Variants in KAZN observed in about 807,000 individuals in gnomAD.
The protein encoded by KAZN is kazrin, periplakin interacting protein, also known as kazrin.
KAZN carries 40 observed loss-of-function variants against 87.4 expected under a neutral mutation model. That is an observed-to-expected ratio of 0.46 (90% CI 0.36 to 0.60). The LOEUF is 0.60. KAZN is among the 20% of genes least tolerant of loss of function. KAZN has a pLI of 0.00. For synonymous variants in KAZN, 466 were observed against 458.3 expected, an observed-to-expected ratio of 1.02 and a Z score of -0.22; for missense variants, 898 against 1,073.9, an observed-to-expected ratio of 0.84 and a Z score of 2.29.
At chr1:14,608,934 CT>C (rs201902696) in intron 1 of KAZN, among the ~76,000 whole-genome samples, 1 of 151,912 alleles carries the variant, frequency 6.6e-6, no homozygotes, top group Non-Finnish European at 1.5e-5. Flanking sequence ...AATGTCATCT[CT>C]TTTTTTTAAT....
chr1:14,346,018 G>A (rs531491133), intron 2 of KAZN, among the ~76,000 whole-genome samples: 8 of 152,194 alleles, frequency 5.3e-5, no homozygotes, highest in Non-Finnish European at 1.0e-4. Flanking sequence ...AAAGTAAAAG[G>A]TGAACTTGCA....
chr1:14,136,167 C>T (rs1000909212), intron 1 of KAZN, among the ~76,000 whole-genome samples: 14 of 152,122 alleles, frequency 9.2e-5, no homozygotes, highest in African/African-American at 3.1e-4. Flanking sequence ...CTGTTGATTT[C>T]TGGGTGGCTA....
chr1:14,795,704 T>G (rs1188398930), intron 1 of KAZN, among the ~76,000 whole-genome samples: 1 of 152,138 alleles, frequency 6.6e-6, no homozygotes, highest in Non-Finnish European at 1.5e-5. Flanking sequence ...CATGAGCTGG[T>G]GCTCATTCCA....
intron 2 of KAZN, among the ~76,000 whole-genome samples, chr1:15,000,039 C>T (rs1411629918): frequency 4.6e-5 from 7 of 151,854 alleles, no homozygotes; most frequent in East Asian, 3.9e-4. Flanking sequence ...GCAGCTGTGA[C>T]GGAGGATCTT....
intron 2 of KAZN, among the ~76,000 whole-genome samples, chr1:15,006,608 T>C (rs1004836920): frequency 1.3e-5 from 2 of 152,236 alleles, no homozygotes; most frequent in Non-Finnish European, 2.9e-5. Context: ...TTCCAGACAC[T>C]GTCCTAGGTG....
At chr1:13,914,188 G>A (rs1639756884) in intron 1 of KAZN, among the ~76,000 whole-genome samples, 1 of 152,174 alleles carries the variant, frequency 6.6e-6, no homozygotes, top group South Asian at 2.1e-4. Flanking sequence ...GTGGCACCTG[G>A]TTTTGCTAAA....
chr1:14,870,778 G>T (rs531113136), intron 1 of KAZN, among the ~76,000 whole-genome samples: 1 of 152,276 alleles, frequency 6.6e-6, no homozygotes, highest in South Asian at 2.1e-4. Context: ...TGTTGTGAAG[G>T]TTGTGTGGCA....
intron 2 of KAZN, among the ~76,000 whole-genome samples, chr1:14,564,465 A>G (rs1674428841): frequency 2.6e-5 from 4 of 152,176 alleles, no homozygotes; most frequent in South Asian, 2.1e-4. Context: ...GGATGATAAT[A>G]GAAGCTACCC....
At chr1:15,039,287 G>A (rs1029907315) in intron 3 of KAZN, among the ~76,000 whole-genome samples, 7 of 152,302 alleles carry the variant, frequency 4.6e-5, no homozygotes, top group Admixed American at 1.3e-4. Context: ...AGGGCCACAC[G>A]ATTATGGAAA....
At chr1:14,905,845 A>AAAT (rs59662108) in intron 1 of KAZN, among the ~76,000 whole-genome samples, 30,437 of 143,074 alleles carry the variant, frequency 0.21, 3,427 homozygotes, top group South Asian at 0.41. Context: ...TCCGTCTCAA[A>AAAT]AATAATAATA....
intron 1 of KAZN, among the ~76,000 whole-genome samples, chr1:13,971,053 C>G (rs565245270): frequency 6.6e-6 from 1 of 152,280 alleles, no homozygotes; most frequent in East Asian, 1.9e-4. Context: ...AGGCTGTGCT[C>G]AGCAGGGAGG....
At chr1:15,076,241 C>A (rs1450349799) in intron 8 of KAZN, among the ~76,000 whole-genome samples, 1 of 152,210 alleles carries the variant, frequency 6.6e-6, no homozygotes, top group Non-Finnish European at 1.5e-5. Flanking sequence ...TCACTGATGG[C>A]AGCTTGAGTG....
chr1:14,006,287 G>T (rs1158647215), intron 1 of KAZN, among the ~76,000 whole-genome samples: 1 of 152,158 alleles, frequency 6.6e-6, no homozygotes, highest in Non-Finnish European at 1.5e-5. Context: ...TTGGCTCAGG[G>T]ATCTGCCAGC....
chr1:14,089,868 C>A (rs989308853), intron 1 of KAZN, among the ~76,000 whole-genome samples: 1 of 152,132 alleles, frequency 6.6e-6, no homozygotes, highest in Non-Finnish European at 1.5e-5. Flanking sequence ...GACCCTTTCT[C>A]ACCATTATTT....
intron 1 of KAZN, among the ~76,000 whole-genome samples, chr1:14,944,933 T>G (rs908999336): frequency 2.0e-5 from 3 of 152,304 alleles, no homozygotes; most frequent in East Asian, 3.9e-4. Flanking sequence ...TGGGCTTCCT[T>G]CCGAGTTACA....
At chr1:14,436,357 C>CTGG (rs59954862) in intron 2 of KAZN, among the ~76,000 whole-genome samples, 12 of 151,738 alleles carry the variant, frequency 7.9e-5, no homozygotes, top group South Asian at 2.1e-4. Flanking sequence ...CATGGCAGTG[C>CTGG]TGGTGGTGGT....
At chr1:15,043,032 T>C (rs1447979673) in intron 3 of KAZN, among the ~76,000 whole-genome samples, 1 of 152,226 alleles carries the variant, frequency 6.6e-6, no homozygotes, top group Non-Finnish European at 1.5e-5. Context: ...CTCTGGGGAC[T>C]GGCACAGCCG....
chr1:14,335,164 A>C (rs1657156669), intron 2 of KAZN, among the ~76,000 whole-genome samples: 1 of 150,588 alleles, frequency 6.6e-6, no homozygotes, highest in African/African-American at 2.4e-5. Flanking sequence ...AGTTCACAAA[A>C]TAACTGGTTG....
rs879238485 is a variant in KAZN, at chr1:14,867,973, C to T, written c.227-92711C>T. ...AGCACAGCATTGCATAGGCAGGCAT[C>T]GCATATGCAGGCATTGGATACACAG... On this transcript the variant is annotated intron_variant, in intron 1 of 14. Transcript: ENST00000376030. Among the ~76,000 whole-genome samples the T allele has an allele frequency of 5.9e-5, 4 of 68,370 alleles. 1 individual carries two copies. The highest frequency in any genetic ancestry group is 2.6e-4 in the Admixed American group (2 of 7,682). 44.9% of individuals were successfully genotyped at this position (68,370 alleles called of 152,430 possible). A position where few individuals can be genotyped will look rare whatever the true frequency, so the allele number is the denominator to read the frequency against.
Sources: gnomAD v4.1 joint callset for allele counts (sites outside exome capture counted in the v4.1 genomes callset) on GRCh38, gnomAD v4.1.1 for gene constraint, MANE v1.5 for transcripts, NCBI Gene and HGNC (gene_info 2026-07-23, HGNC 2026-07-21) for gene names.